OTUD7B: variants seen among roughly 807,000 people sequenced by gnomAD.
OTUD7B encodes the protein OTU domain-containing protein 7B.
Under a neutral mutation model 82.2 loss-of-function variants are expected in OTUD7B, and 34 were observed. The ratio of observed to expected loss-of-function variants is 0.41; its 90% CI spans 0.31 to 0.55. OTUD7B has a LOEUF of 0.55. OTUD7B is among the 20% of genes least tolerant of loss of function. The pLI is 0.20. For missense variants in OTUD7B, 944 were observed against 1,062.1 expected, an observed-to-expected ratio of 0.89 and a Z score of 1.55; for synonymous variants, 398 against 402.7, an observed-to-expected ratio of 0.99 and a Z score of 0.14.
At chr1:150,012,128 G>T (rs587618819), upstream of OTUD7B, among the ~76,000 whole-genome samples, 1 of 152,264 alleles carries the variant, frequency 6.6e-6, no homozygotes, top group Non-Finnish European at 1.5e-5. Flanking sequence ...GCGTATAAGG[G>T]ACCACAAATT....
the OTUD7B span, among the ~76,000 whole-genome samples, chr1:150,048,796 A>G: frequency 2.0e-5 from 3 of 152,160 alleles, no homozygotes; most frequent in African/African-American, 7.2e-5. Flanking sequence ...TCATAGATTA[A>G]TAACTCAAGT....
chr1:149,984,401 G>C (rs1427909713), intron 1 of OTUD7B, among the ~76,000 whole-genome samples: 1 of 152,158 alleles, frequency 6.6e-6, no homozygotes, highest in Non-Finnish European at 1.5e-5. Context: ...TTATATATAA[G>C]ATGAACACAA....
chr1:150,027,108 G>A, the OTUD7B span, among the ~76,000 whole-genome samples: 4 of 152,062 alleles, frequency 2.6e-5, no homozygotes, highest in Non-Finnish European at 5.9e-5. Flanking sequence ...GTACTGTGTT[G>A]TGTTCTGTTG....
At chr1:149,982,678 C>T (rs1170360044) in intron 1 of OTUD7B, among the ~76,000 whole-genome samples, 4 of 151,988 alleles carry the variant, frequency 2.6e-5, no homozygotes, top group Admixed American at 6.6e-5. Context: ...CCTAACATTT[C>T]TGCCTTAGAA....
the OTUD7B span, among the ~76,000 whole-genome samples, chr1:150,053,647 C>T: frequency 6.6e-6 from 1 of 152,150 alleles, no homozygotes; most frequent in Non-Finnish European, 1.5e-5. Flanking sequence ...TCACCCACCT[C>T]AGCCTCCCAA....
chr1:149,949,857 G>A, intron 8 of OTUD7B, 79 bp from the exon 9 acceptor site: 3 of 1,466,052 alleles, frequency 2.0e-6, no homozygotes, highest in Non-Finnish European at 2.8e-6. Flanking sequence ...TCTGCCAACT[G>A]AGTCCCTCCC....
chr1:150,011,180 G>T (rs1334906608), upstream of OTUD7B, among the ~76,000 whole-genome samples: 5 of 152,064 alleles, frequency 3.3e-5, no homozygotes, highest in African/African-American at 1.2e-4. Flanking sequence ...TATTTCTCTT[G>T]TTCCTTCACT....
At chr1:150,021,812 T>C in the OTUD7B span, among the ~76,000 whole-genome samples, 6 of 152,206 alleles carry the variant, frequency 3.9e-5, no homozygotes, top group Non-Finnish European at 7.3e-5. Flanking sequence ...TTAGCAGCTT[T>C]CCTAAAGAGA....
chr1:149,944,637 T>TCCGTTAC lies in OTUD7B; in HGVS notation c.1745_1751dup (p.Gly585Ter). The TCCGTTAC allele has an allele frequency of 6.2e-7, 1 of 1,613,998 alleles. No individual in the cohort carries two copies. The highest frequency in any genetic ancestry group is 1.1e-5 in the South Asian group (1 of 91,082). On this transcript the variant is annotated stop_gained and frameshift_variant, in exon 12 of 12. Transcript: ENST00000581312. LOFTEE classifies it high-confidence loss of function. ...TCACCTCCTGGCTATACTTGCTCCC[T>TCCGTTAC]CCGTTACCAACAGACTCAGCTGGGG... is the stretch of plus-strand genomic sequence containing the variant.
chr1:149,980,092 C>A (rs1315126039), intron 1 of OTUD7B, among the ~76,000 whole-genome samples: 1 of 151,950 alleles, frequency 6.6e-6, no homozygotes, highest in Non-Finnish European at 1.5e-5. Flanking sequence ...GCCAGACAGT[C>A]TTCTGGGTGA....
At chr1:149,958,112 C>T (rs1269596901) in intron 7 of OTUD7B, among the ~76,000 whole-genome samples, 1 of 152,176 alleles carries the variant, frequency 6.6e-6, no homozygotes, top group Non-Finnish European at 1.5e-5. Context: ...TTCTGCGTCA[C>T]TCATGCTGGG....
chr1:149,978,280 G>T (rs587688776), intron 1 of OTUD7B, among the ~76,000 whole-genome samples: 1 of 152,326 alleles, frequency 6.6e-6, no homozygotes, highest in South Asian at 2.1e-4. Context: ...GCCGAGGCAG[G>T]TGTATCACCT....
the OTUD7B span, among the ~76,000 whole-genome samples, chr1:150,055,334 G>A: frequency 6.6e-6 from 1 of 151,832 alleles, no homozygotes; most frequent in Admixed American, 6.6e-5. Flanking sequence ...CACTGCGCCC[G>A]GCCTGGTGTT....
chr1:149,949,488 G>T, intron 9 of OTUD7B, 141 bp downstream of exon 9: 1 of 851,790 alleles, frequency 1.2e-6, no homozygotes, highest in Non-Finnish European at 1.8e-6. Context: ...GAAAACTCTG[G>T]CGTAACTTCT....
chr1:150,048,309 G>A, the OTUD7B span: 2 of 152,062 alleles, frequency 1.3e-5, no homozygotes, highest in African/African-American at 2.4e-5. Context: ...CCCATTCATC[G>A]ATAGAAAGGA....
At position 149,947,291 on chromosome 1, in the gene OTUD7B, T is replaced by C. The variant is rs782338671; in HGVS notation, c.1283A>G (p.Tyr428Cys). The stretch of plus-strand genomic sequence containing the variant: ...CAGTGGGATCCACTTCACATTCATG[T>C]AGCTATGCAGCAGATGCAATTTGAC... ...LEVKLHLLHS[Y>C]MNVKWIPLSS... Residue 428 changes from tyrosine (Y) to cysteine (C), a missense_variant, in exon 11 of 12, where the codon TAC becomes TGC. This residue lies in a region of OTUD7B where 530 missense variants were observed against 625.6 expected (regional missense o/e 0.85). Transcript: ENST00000581312. The C allele has an allele frequency of 2.5e-6, 4 of 1,611,366 alleles. No individual in the cohort carries two copies. In the African/African-American group the frequency reaches 5.3e-5, roughly 22 times the overall value.
chr1:149,971,052 C>T lies in OTUD7B; in HGVS notation c.274+11G>A. On this transcript the variant is annotated intron_variant, in intron 3 of 11. Transcript: ENST00000581312. The stretch of plus-strand genomic sequence containing the variant: ...ACTCCATATACGGAAACATTCCAGT[C>T]ACCCCAGTACCTTGAACGATGTCAT... 1 of 1,534,446 alleles carries T rather than the reference C, an allele frequency of 6.5e-7. No individual in the cohort carries two copies.
At chr1:150,048,978 G>GC in the OTUD7B span, among the ~76,000 whole-genome samples, 1 of 151,840 alleles carries the variant, frequency 6.6e-6, no homozygotes, top group African/African-American at 2.4e-5. Flanking sequence ...GATTACAGGC[G>GC]CCCGCCACCA....
Position 149,943,835 on chromosome 1 carries a change from T to C in OTUD7B, c.*22A>G, listed in dbSNP as rs1553771052. The C allele has an allele frequency of 1.2e-6, 2 of 1,609,442 alleles. No individual in the cohort carries two copies. The highest frequency in any genetic ancestry group is 1.3e-5 in the African/African-American group (1 of 74,780). On this transcript the variant is annotated 3_prime_UTR_variant, in exon 12 of 12. Transcript: ENST00000581312. ...TGAGCTTAACTTTGTTTAGCCTCCT[T>C]GCCCTTCAGTGTTCCACCCGTTCAG...
Sources: gnomAD v4.1 joint callset for allele counts (sites outside exome capture counted in the v4.1 genomes callset) on GRCh38, gnomAD v4.1.1 for gene constraint, gnomAD v4.1.1 regional missense constraint, MANE v1.5 for transcripts, NCBI Gene and HGNC (gene_info 2026-07-23, HGNC 2026-07-21) for gene names.